The following SVIL variants were observed in gnomAD, a reference collection of about 807,000 sequenced individuals.
The protein encoded by SVIL is supervillin.
In SVIL, 101 loss-of-function variants were observed where a neutral mutation model predicts 240.4. The observed-to-expected ratio is 0.42, with a 90% CI of 0.36 to 0.50. The LOEUF (loss-of-function observed/expected upper bound fraction) is 0.50, where lower values mean the gene tolerates loss of function less well. Among genes scored for constraint, SVIL ranks in the 20% least tolerant of loss-of-function variants. The pLI is 0.01. For missense variants in SVIL, 2,512 were observed against 2,818.7 expected, an observed-to-expected ratio of 0.89 and a Z score of 2.46; for synonymous variants, 999 against 1,100.0, an observed-to-expected ratio of 0.91 and a Z score of 1.82.
At chr10:29,572,972 T>A (rs7899653) in intron 1 of SVIL, among the ~76,000 whole-genome samples, 20,983 of 152,082 alleles carry the variant, frequency 0.14, 1,770 homozygotes, top group East Asian at 0.27. Context: ...AGAATCTAAA[T>A]GTTTATTTTG....
chr10:29,511,817 C>CA (rs1161148263), intron 17 of SVIL, among the ~76,000 whole-genome samples: 36 of 152,180 alleles, frequency 2.4e-4, no homozygotes, highest in Non-Finnish European at 4.0e-4. Context: ...ACTCCTGACT[C>CA]ACACTTCTAT....
At chr10:29,673,360 A>C (rs1032214106) in intron 2 of SVIL, among the ~76,000 whole-genome samples, 2 of 152,084 alleles carry the variant, frequency 1.3e-5, no homozygotes, top group African/African-American at 4.8e-5. Context: ...AATAATGAAT[A>C]CTTTTTTTTT....
intron 1 of SVIL, among the ~76,000 whole-genome samples, chr10:29,598,404 T>A (rs1476222112): frequency 2.6e-5 from 4 of 152,038 alleles, no homozygotes; most frequent in South Asian, 2.1e-4. Flanking sequence ...ATAAAAAAAA[T>A]TTGAGGGAAA....
chr10:29,724,824 C>T (rs538976809), intron 1 of SVIL, among the ~76,000 whole-genome samples: 1 of 151,940 alleles, frequency 6.6e-6, no homozygotes, highest in Non-Finnish European at 1.5e-5. Context: ...GAGTTCGAGA[C>T]CAGCCTGGTC....
In SVIL at chr10:29,493,295, C is replaced by T. The variant is rs759399431; in HGVS notation, c.3938G>A (p.Arg1313His). 2.5e-6 allele frequency: 4 copies of T among 1,614,014 alleles called. No homozygotes were observed. The highest frequency in any genetic ancestry group is 2.2e-5 in the East Asian group (1 of 44,878). ...DDDETFAKFYRSVDYNMPRSP... is the reference protein window; with the variant it reads ...DDDETFAKFYHSVDYNMPRSP... ...TCTTGGCATATTATAATCCACGCTG[C>T]GGTAAAATTTGGCAAAGGTTTCATC... is the stretch of plus-strand genomic sequence containing the variant. The change falls in exon 21 of 38, where the codon CGC becomes CAC. Residue 1313 changes from arginine to histidine, a missense_variant. Transcript: ENST00000355867.
intron 1 of SVIL, among the ~76,000 whole-genome samples, chr10:29,579,998 T>C (rs768632147): frequency 6.6e-6 from 1 of 151,894 alleles, no homozygotes; most frequent in Admixed American, 6.6e-5. Context: ...CTAGGATAGA[T>C]ACATCAAGCG....
In SVIL at chr10:29,522,599, C is replaced by G; in HGVS notation, c.3200G>C (p.Gly1067Ala). Reference protein sequence around the residue: ...EFGEPTSEQTGTAAGKTIAQT... With the variant: ...EFGEPTSEQTATAAGKTIAQT... ...AGCAATAGTTTTCCCAGCAGCTGTC[C>G]CCGTCTGCTCGGAAGTGGGCTCCCC... Residue 1067 changes from glycine (G) to alanine (A), a missense_variant, in exon 16 of 38, where the codon GGG (glycine) becomes GCG (alanine). Gly to Ala is a moderately conservative substitution (Grantham distance 60, BLOSUM62 0). This residue lies in a region of SVIL where 1,443 missense variants were observed against 1,486.6 expected (regional missense o/e 0.97). Transcript: ENST00000355867. The G allele has an allele frequency of 6.2e-7, 1 of 1,614,132 alleles. No homozygotes were observed. Among genetic ancestry groups the G allele is most frequent in the Non-Finnish European group, 8.5e-7 (1 of 1,180,028 alleles).
chr10:29,602,004 C>T (rs929408087), intron 1 of SVIL, among the ~76,000 whole-genome samples: 9 of 152,148 alleles, frequency 5.9e-5, no homozygotes, highest in South Asian at 2.1e-4. Flanking sequence ...GGATCACCAC[C>T]AGTTCGATTT....
chr10:29,692,514 C>T lies in SVIL; in HGVS notation c.-399-5863G>A, dbSNP rs540027428. ...AGCACTCATTATAGTGCTTGGCATA[C>T]ACCAAATGTTCAGGAGAGATCTGTG... is the stretch of plus-strand genomic sequence containing the variant. On this transcript the variant is annotated intron_variant, in intron 1 of 35. Transcript: ENST00000375400. Among the ~76,000 whole-genome samples, 8 of 152,212 alleles carry T rather than the reference C, an allele frequency of 5.3e-5. No individual in the cohort carries two copies. The South Asian group carries it at 1.5e-3, about 28-fold the overall frequency.
chr10:29,617,588 A>G (rs1957474650), intron 1 of SVIL, among the ~76,000 whole-genome samples: 1 of 151,916 alleles, frequency 6.6e-6, no homozygotes, highest in African/African-American at 2.4e-5. Flanking sequence ...TAAAAAAAAA[A>G]AAAGAAAGAA....
At chr10:29,707,723 A>C (rs1962990127) in intron 1 of SVIL, among the ~76,000 whole-genome samples, 1 of 152,226 alleles carries the variant, frequency 6.6e-6, no homozygotes, top group Non-Finnish European at 1.5e-5. Context: ...GTATGTTTAC[A>C]AATAATAATA....
At chr10:29,489,527 G>A (rs1947749525) in intron 22 of SVIL, among the ~76,000 whole-genome samples, 1 of 152,170 alleles carries the variant, frequency 6.6e-6, no homozygotes, top group Non-Finnish European at 1.5e-5. Context: ...TCATTATGGT[G>A]TTGTGCTTTT....
chr10:29,736,019 C>T (rs1006751971), upstream of SVIL, among the ~76,000 whole-genome samples: 3 of 152,250 alleles, frequency 2.0e-5, no homozygotes, highest in African/African-American at 7.2e-5. Flanking sequence ...AAGGATCGGG[C>T]GGAGAGGGTG....
At chr10:29,492,936 T>C (rs1227461868) in intron 21 of SVIL, among the ~76,000 whole-genome samples, 1 of 152,080 alleles carries the variant, frequency 6.6e-6, no homozygotes, top group African/African-American at 2.4e-5. Context: ...ATGTGAAAAA[T>C]CCAGTGACGC....
chr10:29,666,669 G>A (rs563063992), intron 2 of SVIL, among the ~76,000 whole-genome samples: 1 of 152,332 alleles, frequency 6.6e-6, no homozygotes, highest in East Asian at 1.9e-4. Flanking sequence ...ACTGTGTTAT[G>A]TGCAGAGAAG....
At chr10:29,557,355 C>T (rs751022105) in intron 3 of SVIL, among the ~76,000 whole-genome samples, 5 of 152,162 alleles carry the variant, frequency 3.3e-5, no homozygotes, top group African/African-American at 4.8e-5. Flanking sequence ...GCCTTGGCCT[C>T]CCAAAGTGCT....
intron 1 of SVIL, among the ~76,000 whole-genome samples, chr10:29,590,925 AAACCCTGAAGC>A (rs1284265175): frequency 6.6e-6 from 1 of 152,238 alleles, no homozygotes; most frequent in African/African-American, 2.4e-5. Context: ...CTCCAAATAG[AAACCCTGAAGC>A]AAGGACATCT....
At chr10:29,466,850 T>A (rs1944986127) in intron 33 of SVIL, among the ~76,000 whole-genome samples, 1 of 152,234 alleles carries the variant, frequency 6.6e-6, no homozygotes. Flanking sequence ...TTTCTTTTTT[T>A]AACTTCTCCA....
chr10:29,603,413 T>C (rs1050167452), intron 1 of SVIL, among the ~76,000 whole-genome samples: 1 of 152,152 alleles, frequency 6.6e-6, no homozygotes, highest in African/African-American at 2.4e-5. Context: ...GTGAAGCAAA[T>C]AAAATGCTGT....
Sources: gnomAD v4.1 joint callset for allele counts (sites outside exome capture counted in the v4.1 genomes callset) on GRCh38, gnomAD v4.1.1 for gene constraint, gnomAD v4.1.1 regional missense constraint, MANE v1.5 for transcripts, NCBI Gene and HGNC (gene_info 2026-07-23, HGNC 2026-07-21) for gene names.